Variants in ASIC2 observed in about 807,000 individuals in gnomAD.
ASIC2 encodes acid-sensing ion channel 2.
In ASIC2, 25 loss-of-function variants were observed where a neutral mutation model predicts 57.3. That is an observed-to-expected ratio of 0.44 (90% CI 0.32 to 0.61). The LOEUF (loss-of-function observed/expected upper bound fraction) is 0.61, where lower values mean the gene tolerates loss of function less well. Ranked by LOEUF, ASIC2 falls within the 20% of genes least tolerant of loss-of-function variation. ASIC2 has a pLI of 0.06. For synonymous variants in ASIC2, 319 were observed against 307.5 expected, an observed-to-expected ratio of 1.04 and a Z score of -0.39; for missense variants, 641 against 738.1, an observed-to-expected ratio of 0.87 and a Z score of 1.52.
chr17:33,497,419 C>CTT (rs138041995), intron 1 of ASIC2, among the ~76,000 whole-genome samples: 2 of 151,704 alleles, frequency 1.3e-5, no homozygotes, highest in African/African-American at 4.8e-5. Flanking sequence ...CTTGATGCAA[C>CTT]TTTTTTTTTC....
intron 2 of ASIC2, among the ~76,000 whole-genome samples, chr17:33,107,704 A>G (rs1211178284): frequency 1.3e-5 from 2 of 152,114 alleles, no homozygotes; most frequent in Non-Finnish European, 2.9e-5. Context: ...GGGTCTACCC[A>G]AAGAGGGTGT....
intron 1 of ASIC2, among the ~76,000 whole-genome samples, chr17:33,215,207 G>A (rs1412785710): frequency 6.6e-6 from 1 of 152,214 alleles, no homozygotes; most frequent in East Asian, 1.9e-4. Flanking sequence ...GAAAAGTATT[G>A]TAAAATGGGG....
intron 1 of ASIC2, among the ~76,000 whole-genome samples, chr17:33,972,836 A>C (rs936831199): frequency 2.0e-5 from 3 of 152,242 alleles, no homozygotes; most frequent in Admixed American, 6.5e-5. Context: ...GCAGACAATG[A>C]AAGAGTCCCA....
intron 1 of ASIC2, among the ~76,000 whole-genome samples, chr17:33,833,269 C>G (rs929756284): frequency 6.6e-6 from 1 of 152,004 alleles, no homozygotes; most frequent in African/African-American, 2.4e-5. Flanking sequence ...TTTCGTTTAC[C>G]ATTGTATCTC....
chr17:33,414,736 T>C (rs1910779348), intron 1 of ASIC2, among the ~76,000 whole-genome samples: 1 of 152,228 alleles, frequency 6.6e-6, no homozygotes, highest in Admixed American at 6.5e-5. Context: ...TTCATTTCTC[T>C]TTTAAATTTT....
At chr17:33,889,122 CT>C (rs1478820264) in intron 1 of ASIC2, among the ~76,000 whole-genome samples, 1 of 152,170 alleles carries the variant, frequency 6.6e-6, no homozygotes, top group Non-Finnish European at 1.5e-5. Context: ...AGGTTTCTCT[CT>C]TGTGGTGAGG....
chr17:33,029,466 T>C (rs2091872228), intron 3 of ASIC2, among the ~76,000 whole-genome samples: 1 of 152,226 alleles, frequency 6.6e-6, no homozygotes, highest in Non-Finnish European at 1.5e-5. Flanking sequence ...AGTTCTTTCC[T>C]TTTAATTACT....
chr17:33,320,360 G>A (rs1300210687), intron 1 of ASIC2, among the ~76,000 whole-genome samples: 3 of 152,140 alleles, frequency 2.0e-5, no homozygotes, highest in Admixed American at 6.5e-5. Flanking sequence ...GCTTTAAAGG[G>A]TTTCATTTTT....
At chr17:33,717,566 A>C (rs1597847782) in intron 1 of ASIC2, among the ~76,000 whole-genome samples, 1 of 152,142 alleles carries the variant, frequency 6.6e-6, no homozygotes, top group African/African-American at 2.4e-5. Flanking sequence ...TCCAGGCTGG[A>C]GCTGGGGTTC....
At chr17:33,944,783 G>T (rs1176735663) in intron 1 of ASIC2, among the ~76,000 whole-genome samples, 2 of 152,316 alleles carry the variant, frequency 1.3e-5, no homozygotes, top group African/African-American at 2.4e-5. Context: ...GGCTGCAGGG[G>T]TTGTGGCCTC....
chr17:33,521,880 G>A (rs966174933), intron 1 of ASIC2, among the ~76,000 whole-genome samples: 2 of 152,232 alleles, frequency 1.3e-5, no homozygotes, highest in African/African-American at 4.8e-5. Flanking sequence ...GTTCCTCTGG[G>A]TGTGCATGGC....
At chr17:33,558,230 C>A (rs1317269681) in intron 1 of ASIC2, among the ~76,000 whole-genome samples, 1 of 152,046 alleles carries the variant, frequency 6.6e-6, no homozygotes, top group Non-Finnish European at 1.5e-5. Context: ...ACCAGTCCGA[C>A]CCTGTGGGGC....
intron 1 of ASIC2, among the ~76,000 whole-genome samples, chr17:33,322,526 G>A (rs1906909967): frequency 6.6e-6 from 1 of 152,140 alleles, no homozygotes; most frequent in Non-Finnish European, 1.5e-5. Flanking sequence ...CTTGACCTCT[G>A]CCTTCAATAA....
At chr17:34,008,476 T>A (rs1449797197) in intron 1 of ASIC2, among the ~76,000 whole-genome samples, 1 of 152,162 alleles carries the variant, frequency 6.6e-6, no homozygotes, top group Non-Finnish European at 1.5e-5. Flanking sequence ...TCATCTCTTC[T>A]TGCAAATGAC....
chr17:33,725,115 C>T (rs114080688), intron 1 of ASIC2, among the ~76,000 whole-genome samples: 88 of 152,312 alleles, frequency 5.8e-4, no homozygotes, highest in African/African-American at 2.1e-3. Context: ...CCTGTGGTGC[C>T]CTCTGCTTCA....
intron 1 of ASIC2, among the ~76,000 whole-genome samples, chr17:33,356,018 G>T (rs1407370050): frequency 6.6e-6 from 1 of 152,172 alleles, no homozygotes; most frequent in Admixed American, 6.5e-5. Context: ...TCCAAGATGA[G>T]GCCTGACAAA....
At chr17:33,826,661 T>C (rs8070829) in intron 1 of ASIC2, among the ~76,000 whole-genome samples, 123,572 of 152,134 alleles carry the variant, frequency 0.81, 50,551 homozygotes, top group African/African-American at 0.86. Context: ...TTTTCTACCA[T>C]GCCTTATTAC....
intron 1 of ASIC2, among the ~76,000 whole-genome samples, chr17:33,882,782 T>G (rs1914735742): frequency 1.3e-5 from 2 of 152,170 alleles, no homozygotes; most frequent in Non-Finnish European, 2.9e-5. Context: ...GGATTATAAA[T>G]CATGCTGCTA....
intron 1 of ASIC2, among the ~76,000 whole-genome samples, chr17:33,673,895 G>GTTTTTTTTTTTTTTTTTTT: frequency 6.9e-6 from 1 of 144,708 alleles, no homozygotes; most frequent in African/African-American, 2.8e-5. Flanking sequence ...GTGCATCCGT[G>GTTTTTTTTTTTTTTTTTTT]TCTTTTTTTT....
Sources: gnomAD v4.1 joint callset for allele counts (sites outside exome capture counted in the v4.1 genomes callset) on GRCh38, gnomAD v4.1.1 for gene constraint, MANE v1.5 for transcripts, NCBI Gene and HGNC (gene_info 2026-07-23, HGNC 2026-07-21) for gene names.